Variants in EXT1 observed in about 807,000 individuals in gnomAD.
EXT1 encodes exostosin-1.
A neutral mutation model predicts 82.5 loss-of-function variants in EXT1; 20 were observed. The observed-to-expected ratio is 0.24, with a 90% CI of 0.17 to 0.35. EXT1 has a LOEUF of 0.35. EXT1 is among the 10% of genes least tolerant of loss of function. EXT1 has a pLI of 1.00. For missense variants in EXT1, 757 were observed against 936.5 expected (o/e 0.81, Z 2.50); for synonymous variants, 348 against 350.8 (o/e 0.99, Z 0.09).
chr8:117,802,352 AAT>A (rs1427543005), intron 10 of EXT1, among the ~76,000 whole-genome samples: 1 of 152,240 alleles, frequency 6.6e-6, no homozygotes, highest in African/African-American at 2.4e-5. Flanking sequence ...TAAATGAGAT[AAT>A]ATACAGTCAT....
At chr8:117,845,814 C>T (rs1295518645) in intron 1 of EXT1, among the ~76,000 whole-genome samples, 1 of 152,082 alleles carries the variant, frequency 6.6e-6, no homozygotes, top group African/African-American at 2.4e-5. Flanking sequence ...GGGTGGGGCA[C>T]TGAGCTGCAC....
At chr8:117,979,823 C>T (rs180856097) in intron 1 of EXT1, among the ~76,000 whole-genome samples, 1 of 152,280 alleles carries the variant, frequency 6.6e-6, no homozygotes, top group Admixed American at 6.5e-5. Flanking sequence ...TTTATTTGGA[C>T]CATTGTACCT....
chr8:117,936,380 G>A (rs968801417), intron 1 of EXT1, among the ~76,000 whole-genome samples: 1 of 152,174 alleles, frequency 6.6e-6, no homozygotes, highest in East Asian at 1.9e-4. Context: ...AAGTGTGAGT[G>A]CAGCTGCCAT....
At chr8:118,086,396 T>C (rs1817417750) in intron 1 of EXT1, among the ~76,000 whole-genome samples, 1 of 152,206 alleles carries the variant, frequency 6.6e-6, no homozygotes, top group Admixed American at 6.5e-5. Flanking sequence ...TGACCAGTGA[T>C]TTCATATTAT....
Position 117,980,697 on chromosome 8 carries a change from G to GTTTTTTTTTTTTTTTTTTTTTTT in EXT1, c.962+129387_962+129388insAAAAAAAAAAAAAAAAAAAAAAA, listed in dbSNP as rs1491146564. ...AAGGTTTGTTTGTTCGGGTGTTGGT[G>GTTTTTTTTTTTTTTTTTTTTTTT]GTTTTTTTTTTTTTTTTTTTTTTTT... On this transcript the variant is annotated intron_variant, in intron 1 of 10. Transcript: ENST00000378204. Among the ~76,000 whole-genome samples the GTTTTTTTTTTTTTTTTTTTTTTT allele has an allele frequency of 1.5e-4, 4 of 27,584 alleles. 2 individuals are homozygous for GTTTTTTTTTTTTTTTTTTTTTTT. The highest frequency in any genetic ancestry group is 1.2e-4 in the Non-Finnish European group (2 of 16,976). The allele number at this position is 27,584 out of a possible 152,430, so 18.1% of individuals were successfully genotyped here.
rs530084118 is a variant in EXT1, at chr8:118,088,728, G to A, written c.962+21357C>T. 5.2e-4 allele frequency among the ~76,000 whole-genome samples: 71 copies of A among 137,416 alleles called. 2 individuals carry two copies. Among genetic ancestry groups the A allele is most frequent in the African/African-American group, 1.9e-3 (67 of 36,004 alleles). The allele number at this position is 137,416 out of a possible 152,430, so 90.2% of individuals were successfully genotyped here. On this transcript the variant is annotated intron_variant, in intron 1 of 10. Coordinates refer to ENST00000378204, the MANE Select transcript of EXT1 (RefSeq NM_000127.3). ...TGCTTTTGTTTTCTTGTTTACTTTT[G>A]ATCAAATCATGGTAAAACCCATTCA...
At chr8:117,873,104 G>C (rs927532805) in intron 1 of EXT1, among the ~76,000 whole-genome samples, 1 of 152,144 alleles carries the variant, frequency 6.6e-6, no homozygotes, top group Non-Finnish European at 1.5e-5. Context: ...ACTGCAGAAT[G>C]ATTCTTCACC....
At chr8:117,960,243 A>C (rs1252342965) in intron 1 of EXT1, among the ~76,000 whole-genome samples, 2 of 152,168 alleles carry the variant, frequency 1.3e-5, no homozygotes, top group Non-Finnish European at 2.9e-5. Context: ...AAATTAAATA[A>C]AATAGATACC....
At chr8:117,856,402 C>T (rs548946566) in intron 1 of EXT1, among the ~76,000 whole-genome samples, 11 of 150,318 alleles carry the variant, frequency 7.3e-5, no homozygotes, top group African/African-American at 2.7e-4. Flanking sequence ...CTACAGGCGC[C>T]AGCCACCACG....
In EXT1 at chr8:118,013,861, A is replaced by G. The variant is rs191047932; in HGVS notation, c.962+96224T>C. ...AATCAAATTTAACTGGGCCTCCTAC[A>G]TTTTACCTGGCAACTCTTGTCATGT... On this transcript the variant is annotated intron_variant, in intron 1 of 10. Coordinates refer to ENST00000378204, the MANE Select transcript of EXT1 (RefSeq NM_000127.3). 2.0e-5 allele frequency among the ~76,000 whole-genome samples: 3 copies of G among 152,290 alleles called. No individual in the cohort carries two copies. The East Asian group carries it at 5.8e-4, about 29-fold the overall frequency.
chr8:117,830,875 T>C (rs1812088554), intron 3 of EXT1, among the ~76,000 whole-genome samples: 1 of 152,164 alleles, frequency 6.6e-6, no homozygotes, highest in South Asian at 2.1e-4. Flanking sequence ...TACCTCACCT[T>C]TGAGCCTTTC....
chr8:117,936,947 T>C (rs948874841), intron 1 of EXT1, among the ~76,000 whole-genome samples: 6 of 152,180 alleles, frequency 3.9e-5, no homozygotes, highest in African/African-American at 1.4e-4. Context: ...GTCTTCTAGA[T>C]GTGGCCCAGA....
intron 1 of EXT1, among the ~76,000 whole-genome samples, chr8:117,882,665 G>T (rs1397858299): frequency 6.6e-6 from 1 of 151,648 alleles, no homozygotes; most frequent in Middle Eastern, 3.2e-3. Context: ...ACTTTTTTTT[G>T]GTATTCTGGG....
intron 1 of EXT1, among the ~76,000 whole-genome samples, chr8:117,920,952 C>T (rs1813843661): frequency 6.6e-6 from 1 of 152,182 alleles, no homozygotes; most frequent in Non-Finnish European, 1.5e-5. Context: ...AGACTCCCCT[C>T]GTCCCTCCCT....
At chr8:118,064,097 T>C (rs1302597345) in intron 1 of EXT1, among the ~76,000 whole-genome samples, 4 of 152,110 alleles carry the variant, frequency 2.6e-5, no homozygotes, top group Non-Finnish European at 4.4e-5. Flanking sequence ...CTCCTGACCT[T>C]AGGTGATCCA....
intron 1 of EXT1, among the ~76,000 whole-genome samples, chr8:117,961,028 G>A (rs1814688540): frequency 6.6e-6 from 1 of 152,100 alleles, no homozygotes; most frequent in Admixed American, 6.6e-5. Context: ...GGAAGTAGAG[G>A]GTAAATGGGC....
intron 1 of EXT1, among the ~76,000 whole-genome samples, chr8:118,053,123 T>G (rs1372219413): frequency 6.6e-6 from 1 of 152,168 alleles, no homozygotes; most frequent in East Asian, 1.9e-4. Context: ...CTAAGCAGCT[T>G]CTAAAATAAT....
chr8:117,822,207 G>T (rs1811936050), intron 5 of EXT1, among the ~76,000 whole-genome samples: 1 of 152,126 alleles, frequency 6.6e-6, no homozygotes, highest in African/African-American at 2.4e-5. Flanking sequence ...AATTTGGGGA[G>T]CCTATTTCTC....
chr8:117,816,025 A>AG (rs1420866435), intron 7 of EXT1, among the ~76,000 whole-genome samples: 1 of 151,458 alleles, frequency 6.6e-6, no homozygotes, highest in Non-Finnish European at 1.5e-5. Flanking sequence ...TGGGGTGGGG[A>AG]GGGAGGTACA....
Sources: gnomAD v4.1 joint callset for allele counts (sites outside exome capture counted in the v4.1 genomes callset) on GRCh38, gnomAD v4.1.1 for gene constraint, MANE v1.5 for transcripts, NCBI Gene and HGNC (gene_info 2026-07-23, HGNC 2026-07-21) for gene names.